Variants in DIS3L2 observed in about 807,000 individuals in gnomAD.
The protein encoded by DIS3L2 is DIS3 like 3'-5' exoribonuclease 2.
Under a neutral mutation model 97.5 loss-of-function variants are expected in DIS3L2, and 34 were observed. The ratio of observed to expected loss-of-function variants is 0.35; its 90% confidence interval spans 0.27 to 0.46. DIS3L2 has a LOEUF of 0.46. Among genes scored for constraint, DIS3L2 ranks in the 20% least tolerant of loss-of-function variants. The pLI, the probability that DIS3L2 is intolerant of heterozygous loss-of-function variation, is 1.00. For missense variants in DIS3L2, 1,038 were observed against 1,146.0 expected, an observed-to-expected ratio of 0.91 and a Z score of 1.36; for synonymous variants, 435 against 445.2, an observed-to-expected ratio of 0.98 and a Z score of 0.29.
intron 9 of DIS3L2, among the ~76,000 whole-genome samples, chr2:232,164,898 G>A (rs905855072): frequency 6.6e-6 from 1 of 152,092 alleles, no homozygotes; most frequent in Non-Finnish European, 1.5e-5. Context: ...AAATTGAGGG[G>A]TTTGTTTTCT....
chr2:232,019,570 T>G (rs1199129459), intron 3 of DIS3L2, among the ~76,000 whole-genome samples: 3 of 151,534 alleles, frequency 2.0e-5, no homozygotes, highest in Admixed American at 1.3e-4. Flanking sequence ...TTTTTTTTTT[T>G]TTTAAAGAGT....
chr2:232,329,778 C>G (rs758837186), intron 14 of DIS3L2, 35 bp from the exon 15 acceptor site: 1 of 1,195,694 alleles, frequency 8.4e-7, no homozygotes. Context: ...TCCCCAAACC[C>G]CAGCGGTCCC....
In DIS3L2 at chr2:232,325,947, C is replaced by T. The variant is rs929627526; in HGVS notation, c.1740-3866C>T. 3.9e-5 allele frequency among the ~76,000 whole-genome samples: 6 copies of T among 152,216 alleles called. No homozygotes were observed. Among genetic ancestry groups the T allele is most frequent in the Admixed American group, 1.3e-4 (2 of 15,292 alleles). On this transcript the variant is annotated intron_variant, in intron 14 of 20. Transcript: ENST00000325385. The surrounding 1 kb of genome is among the most constrained non-coding windows in gnomAD (Gnocchi z 4.6). ...TCCAGCAGCCCCAGTGCCCACTCTG[C>T]GCCCTTCGGGGCTCCCGTGGCCCAG...
At chr2:232,304,050 T>G (rs953806304) in intron 14 of DIS3L2, among the ~76,000 whole-genome samples, 1 of 152,072 alleles carries the variant, frequency 6.6e-6, no homozygotes, top group Non-Finnish European at 1.5e-5. Context: ...AGTAAAGCTC[T>G]CCACCCTGAA....
chr2:232,262,080 C>G (rs936965338), intron 12 of DIS3L2, among the ~76,000 whole-genome samples: 7 of 152,136 alleles, frequency 4.6e-5, no homozygotes, highest in Non-Finnish European at 1.0e-4. Context: ...TCGGTCACTC[C>G]TGGTTTTTGT....
At chr2:232,019,227 A>C (rs146277560) in intron 3 of DIS3L2, among the ~76,000 whole-genome samples, 27 of 152,268 alleles carry the variant, frequency 1.8e-4, no homozygotes, top group Non-Finnish European at 3.8e-4. Flanking sequence ...GGTCAGGATG[A>C]ACTAGTTTCT....
chr2:232,122,442 C>G (rs1193694677), intron 6 of DIS3L2, among the ~76,000 whole-genome samples: 1 of 152,170 alleles, frequency 6.6e-6, no homozygotes, highest in Non-Finnish European at 1.5e-5. Flanking sequence ...ACAGGCCAGG[C>G]ACGGTGGCTC....
At chr2:232,252,538 ATT>A (rs1053657159) in intron 12 of DIS3L2, among the ~76,000 whole-genome samples, 19 of 152,334 alleles carry the variant, frequency 1.2e-4, no homozygotes, top group Admixed American at 1.3e-4. Flanking sequence ...AGAAAGGAGC[ATT>A]TTAATAACTT....
intron 5 of DIS3L2, among the ~76,000 whole-genome samples, chr2:232,085,475 T>C (rs780106440): frequency 1.1e-4 from 16 of 152,240 alleles, no homozygotes; most frequent in Non-Finnish European, 1.9e-4. Flanking sequence ...ATAAAAGGAA[T>C]GTTTACAAGT....
chr2:232,214,859 T>G (rs919477570), intron 10 of DIS3L2, among the ~76,000 whole-genome samples: 2 of 152,344 alleles, frequency 1.3e-5, no homozygotes, highest in African/African-American at 4.8e-5. Context: ...TGCAGGAAAT[T>G]GAACTTCACT....
chr2:232,314,279 A>G (rs1327484194), intron 14 of DIS3L2, among the ~76,000 whole-genome samples: 1 of 152,126 alleles, frequency 6.6e-6, no homozygotes, highest in Admixed American at 6.5e-5. Flanking sequence ...CGGGCTGCTC[A>G]GGTTGCAAGG....
intron 7 of DIS3L2, among the ~76,000 whole-genome samples, chr2:232,134,919 C>T (rs952728616): frequency 2.6e-5 from 4 of 151,852 alleles, no homozygotes; most frequent in African/African-American, 7.3e-5. Context: ...GGAAAGGATT[C>T]GAGGCTTAGA....
chr2:232,204,598 A>G (rs1454947626), intron 9 of DIS3L2, among the ~76,000 whole-genome samples: 1 of 152,072 alleles, frequency 6.6e-6, no homozygotes, highest in Non-Finnish European at 1.5e-5. Context: ...GTCAGGGTTA[A>G]CTTCTTTCTA....
At position 232,141,245 on chromosome 2, in the gene DIS3L2, G is replaced by A. The variant is rs561030516; in HGVS notation, c.950+4526G>A. Among the ~76,000 whole-genome samples the A allele has an allele frequency of 1.9e-4, 29 of 152,176 alleles. No individual in the cohort carries two copies. In the East Asian group the frequency reaches 4.3e-3, roughly 22 times the overall value. On this transcript the variant is annotated intron_variant, in intron 8 of 20. Transcript: ENST00000325385. ...CTTCTCTTTCCGGGATGTCTTGAGC[G>A]TAGAGATAGCATGGTCACTTTCTCC...
In DIS3L2 at chr2:232,199,721, A is replaced by C. The variant is rs1691842406; in HGVS notation, c.1125-10605A>C. Reference sequence around the variant, plus strand: ...TATATATGTATGAAAAAGGAAAACAAACACAGAAAGGGTAAACCAGAAAAT... The same window carrying C: ...TATATATGTATGAAAAAGGAAAACACACACAGAAAGGGTAAACCAGAAAAT... On this transcript the variant is annotated intron_variant, in intron 9 of 20. Coordinates refer to ENST00000325385, the MANE Select transcript of DIS3L2 (RefSeq NM_152383.5). Among the ~76,000 whole-genome samples the C allele has an allele frequency of 1.3e-5, 2 of 152,220 alleles. 1 individual carries two copies. Among genetic ancestry groups the C allele is most frequent in the South Asian group, 4.1e-4 (2 of 4,830 alleles).
chr2:232,097,121 T>C (rs755009222), intron 6 of DIS3L2, among the ~76,000 whole-genome samples: 37 of 152,214 alleles, frequency 2.4e-4, no homozygotes, highest in Non-Finnish European at 4.7e-4. Flanking sequence ...CGTATGTGCA[T>C]TAGGGGTTAC....
At chr2:232,212,469 C>A (rs998342340) in intron 10 of DIS3L2, among the ~76,000 whole-genome samples, 3 of 152,234 alleles carry the variant, frequency 2.0e-5, no homozygotes, top group African/African-American at 7.2e-5. Context: ...GGAGCAGGCA[C>A]ATGTCCTGCC....
At chr2:232,069,778 G>A (rs1695957078) in intron 5 of DIS3L2, among the ~76,000 whole-genome samples, 1 of 152,174 alleles carries the variant, frequency 6.6e-6, no homozygotes, top group Non-Finnish European at 1.5e-5. Context: ...AAGCTGTCCT[G>A]ATAATGGAGC....
chr2:231,967,945 C>T (rs1692771278), intron 1 of DIS3L2, among the ~76,000 whole-genome samples: 1 of 152,030 alleles, frequency 6.6e-6, no homozygotes, highest in Non-Finnish European at 1.5e-5. Context: ...GTATAGTTGA[C>T]AGGTTATAAA....
Sources: gnomAD v4.1 joint callset for allele counts (sites outside exome capture counted in the v4.1 genomes callset) on GRCh38, gnomAD v4.1.1 for gene constraint, Gnocchi (gnomAD v3.1) non-coding constraint, MANE v1.5 for transcripts, NCBI Gene and HGNC (gene_info 2026-07-23, HGNC 2026-07-21) for gene names.